The following RANBP2 variants were observed in gnomAD, a reference collection of about 807,000 sequenced individuals.
The protein encoded by RANBP2 is RAN binding protein 2, also known as E3 SUMO-protein ligase RanBP2.
Under a neutral mutation model 303.6 loss-of-function variants are expected in RANBP2, and 57 were observed. That is an observed-to-expected ratio of 0.19 (90% CI 0.15 to 0.23). RANBP2 has a LOEUF of 0.23. RANBP2 is among the 10% of genes least tolerant of loss of function. The probability of loss-of-function intolerance (pLI) is 1.00; values close to 1 mark genes in which losing one functional copy is unlikely to be tolerated. For synonymous variants in RANBP2, 1,167 were observed against 1,301.5 expected (o/e 0.90, Z 2.23); for missense variants, 3,138 against 3,780.8 (o/e 0.83, Z 4.46).
At chr2:109,413,763 T>A in the RANBP2 span, among the ~76,000 whole-genome samples, 2 of 152,232 alleles carry the variant, frequency 1.3e-5, no homozygotes, top group Admixed American at 6.5e-5. Context: ...CAGACTTCTC[T>A]GTTACTAACT....
At chr2:109,698,335 A>G in the RANBP2 span, among the ~76,000 whole-genome samples, 1 of 151,702 alleles carries the variant, frequency 6.6e-6, no homozygotes, top group Non-Finnish European at 1.5e-5. Flanking sequence ...GTGTGGTGGC[A>G]TGAGCCTGTA....
the RANBP2 span, among the ~76,000 whole-genome samples, chr2:108,921,073 A>AC: frequency 2.0e-5 from 3 of 151,422 alleles, no homozygotes; most frequent in African/African-American, 7.3e-5. Context: ...GTCATAAGAA[A>AC]CCCCCAGGGT....
chr2:109,349,792 T>C, the RANBP2 span, among the ~76,000 whole-genome samples: 1 of 152,232 alleles, frequency 6.6e-6, no homozygotes, highest in African/African-American at 2.4e-5. Flanking sequence ...AGTGACTGCC[T>C]GCCTTTCCTG....
chr2:108,753,739 T>C (rs1676087766), intron 14 of RANBP2, 86 bp from the exon 15 acceptor site: 1 of 1,608,066 alleles, frequency 6.2e-7, no homozygotes, highest in African/African-American at 1.3e-5. Flanking sequence ...TAGCTGGGAT[T>C]ACAGGCATGA....
chr2:108,890,276 G>A, the RANBP2 span, among the ~76,000 whole-genome samples: 2 of 133,432 alleles, frequency 1.5e-5, no homozygotes, highest in African/African-American at 6.1e-5. Flanking sequence ...GTCTCACTCT[G>A]TCACCTAGTC....
the RANBP2 span, among the ~76,000 whole-genome samples, chr2:109,484,422 C>G: frequency 6.6e-6 from 1 of 152,152 alleles, no homozygotes. Flanking sequence ...CATCCACACT[C>G]TGGCCCGCAC....
rs1367953593 is a variant in RANBP2 at position 108,751,686 on chromosome 2, G to C, written c.1614G>C (p.Leu538=). ...CTTGGTGGGATGCGGTTTGTACTCT[G>C]ATTCACAGAAAAGCAGTGTAAGTAG... ...QKSWWDAVCT[L]IHRKAVPGNV... Residue 538 remains leucine (L), a synonymous_variant, in exon 11 of 29, where the codon CTG becomes CTC. Transcript: ENST00000283195. 11 of 1,611,036 alleles carry C rather than the reference G, an allele frequency of 6.8e-6. No individual in the cohort carries two copies. Among genetic ancestry groups the C allele is most frequent in the Non-Finnish European group, 8.5e-6 (10 of 1,179,462 alleles).
chr2:109,493,087 TACAA>T, the RANBP2 span, among the ~76,000 whole-genome samples: 1 of 100,638 alleles, frequency 9.9e-6, no homozygotes, highest in South Asian at 3.1e-4. Flanking sequence ...ACACCATACA[TACAA>T]ACATACACAT....
chr2:108,886,997 G>A, the RANBP2 span, among the ~76,000 whole-genome samples: 1 of 152,006 alleles, frequency 6.6e-6, no homozygotes, highest in Non-Finnish European at 1.5e-5. Flanking sequence ...TTCTTATGCT[G>A]TTTTTTATAG....
chr2:108,783,191 A>C (rs1368581587), intron 28 of RANBP2, among the ~76,000 whole-genome samples: 1 of 151,812 alleles, frequency 6.6e-6, no homozygotes, highest in Non-Finnish European at 1.5e-5. Flanking sequence ...AAATACAAAA[A>C]TTAGCCAGGT....
chr2:109,374,175 G>A, the RANBP2 span, among the ~76,000 whole-genome samples: 324 of 152,264 alleles, frequency 2.1e-3, 1 homozygote, highest in Non-Finnish European at 1.9e-3. Context: ...ACCTGGATAG[G>A]AAGCCCTGGA....
the RANBP2 span, among the ~76,000 whole-genome samples, chr2:109,460,683 G>C: frequency 1.3e-5 from 2 of 152,062 alleles, no homozygotes. Context: ...CATTGAAAGA[G>C]GTCTTTTCAC....
the RANBP2 span, among the ~76,000 whole-genome samples, chr2:109,316,995 T>C: frequency 6.6e-6 from 1 of 152,186 alleles, no homozygotes; most frequent in African/African-American, 2.4e-5. Flanking sequence ...TTTCTTTTTA[T>C]CACTGAATAA....
the RANBP2 span, chr2:108,839,194 C>G: frequency 1.2e-6 from 2 of 1,606,466 alleles, no homozygotes; most frequent in Admixed American, 1.7e-5. Context: ...GCTTTTGCCT[C>G]TAATGACAGA....
chr2:109,534,675 G>A, the RANBP2 span, among the ~76,000 whole-genome samples: 2 of 151,952 alleles, frequency 1.3e-5, no homozygotes, highest in Admixed American at 1.3e-4. Context: ...AGCTATTCAG[G>A]AGGCTGAGGT....
At chr2:109,537,432 G>A in the RANBP2 span, among the ~76,000 whole-genome samples, 2 of 152,080 alleles carry the variant, frequency 1.3e-5, no homozygotes, top group Admixed American at 6.5e-5. Context: ...ATATTCTTGG[G>A]TTCCTTTCAT....
the RANBP2 span, among the ~76,000 whole-genome samples, chr2:108,951,152 A>C: frequency 1.3e-5 from 2 of 152,246 alleles, no homozygotes; most frequent in African/African-American, 4.8e-5. Context: ...TGTAGCTTGA[A>C]GCCTTTTTTC....
the RANBP2 span, among the ~76,000 whole-genome samples, chr2:109,686,516 T>C: frequency 1.3e-5 from 2 of 152,328 alleles, no homozygotes; most frequent in African/African-American, 4.8e-5. Context: ...GGTTTCACCA[T>C]GTTGGTCAGT....
the RANBP2 span, among the ~76,000 whole-genome samples, chr2:109,101,698 G>C: frequency 6.6e-6 from 1 of 152,174 alleles, no homozygotes; most frequent in Non-Finnish European, 1.5e-5. Context: ...GATTTGTTGT[G>C]GAAGTAGGGT....
Sources: gnomAD v4.1 joint callset for allele counts (sites outside exome capture counted in the v4.1 genomes callset) on GRCh38, gnomAD v4.1.1 for gene constraint, MANE v1.5 for transcripts, NCBI Gene and HGNC (gene_info 2026-07-23, HGNC 2026-07-21) for gene names.